The following BICRA variants were observed in gnomAD, a reference collection of about 807,000 sequenced individuals.
BICRA encodes the protein BRD4-interacting chromatin-remodeling complex-associated protein.
Under a neutral mutation model 96.9 loss-of-function variants are expected in BICRA, and 31 were observed. The ratio of observed to expected loss-of-function variants is 0.32; its 90% CI spans 0.24 to 0.43. The LOEUF (loss-of-function observed/expected upper bound fraction) is 0.43. Ranked by LOEUF, BICRA falls within the 20% of genes least tolerant of loss-of-function variation. BICRA has a pLI of 1.00. For synonymous variants in BICRA, 1,350 were observed against 1,071.8 expected, an observed-to-expected ratio of 1.26 and a Z score of -5.07; for missense variants, 2,283 against 2,190.3, an observed-to-expected ratio of 1.04 and a Z score of -0.84.
intron 1 of BICRA, among the ~76,000 whole-genome samples, chr19:47,659,789 A>G (rs1271084615): frequency 2.0e-5 from 3 of 150,774 alleles, no homozygotes; most frequent in Non-Finnish European, 4.4e-5. Context: ...TCCCTCTGTC[A>G]CCCAGGCTGT....
In BICRA at chr19:47,689,658, T is replaced by C. The variant is rs1350266479; in HGVS notation, c.2284-4457T>C. ...AACTCCTGACCTCAGGTGATCCGCC[T>C]GCCTGGCCTCCCAAAGTACTGGGAT... On this transcript the variant is annotated intron_variant, in intron 7 of 14. Transcript: ENST00000594866. 7.7e-5 allele frequency among the ~76,000 whole-genome samples: 11 copies of C among 143,074 alleles called. No homozygotes were observed. The East Asian group carries it at 2.2e-3, about 29-fold the overall frequency. The allele number at this position is 143,074 out of a possible 152,430, so 93.9% of individuals were successfully genotyped here.
At chr19:47,693,364 C>T (rs899006550) in intron 7 of BICRA, among the ~76,000 whole-genome samples, 8 of 152,234 alleles carry the variant, frequency 5.3e-5, no homozygotes, top group African/African-American at 1.9e-4. Flanking sequence ...GTCGTGCACA[C>T]GCATGCACGC....
intron 5 of BICRA, among the ~76,000 whole-genome samples, chr19:47,676,675 C>G (rs1023891243): frequency 1.3e-5 from 2 of 150,574 alleles, no homozygotes; most frequent in African/African-American, 4.9e-5. Flanking sequence ...ACGACCAGCC[C>G]TTCCTTGTTA....
At chr19:47,665,980 G>A (rs1387942012) in intron 1 of BICRA, among the ~76,000 whole-genome samples, 4 of 152,180 alleles carry the variant, frequency 2.6e-5, no homozygotes, top group Non-Finnish European at 5.9e-5. Flanking sequence ...TCTGGGAGTC[G>A]CCCCATTAGA....
chr19:47,694,972 G>A lies in BICRA; in HGVS notation c.2968G>A (p.Gly990Arg). The change falls in exon 9 of 15, where the codon GGG becomes AGG. Residue 990 changes from glycine (G) to arginine (R), a missense_variant. By Grantham distance (125) the Gly-to-Arg change is moderately radical (BLOSUM62 -2). Coordinates refer to ENST00000594866, the MANE Select transcript of BICRA (RefSeq NM_001394372.1). Reference sequence around the variant, plus strand: ...CGCCCCGCAGACCTCCACCAGCCTGGGGCCCCTCACCAGCCCCGCTGCGTC... The same window carrying A: ...CGCCCCGCAGACCTCCACCAGCCTGAGGCCCCTCACCAGCCCCGCTGCGTC... ...PAAPQTSTSL[G>R]PLTSPAASVL... The A allele has an allele frequency of 1.3e-6, 2 of 1,556,836 alleles. No homozygotes were observed. Among genetic ancestry groups the A allele is most frequent in the Non-Finnish European group, 1.7e-6 (2 of 1,158,850 alleles).
intron 7 of BICRA, among the ~76,000 whole-genome samples, chr19:47,688,851 C>T (rs924604074): frequency 2.0e-5 from 3 of 150,082 alleles, no homozygotes; most frequent in African/African-American, 7.3e-5. Context: ...GAGACAGAGT[C>T]TCTCTCTCTC....
intron 10 of BICRA, 43 bp downstream of exon 10, chr19:47,695,517 C>A: frequency 1.1e-6 from 1 of 914,370 alleles, no homozygotes; most frequent in Non-Finnish European, 1.7e-6. Flanking sequence ...GACCAGGAGT[C>A]TTCGGGAACT....
At chr19:47,661,289 A>G (rs2974201) in intron 1 of BICRA, among the ~76,000 whole-genome samples, 60,334 of 150,266 alleles carry the variant, frequency 0.4, 12,377 homozygotes, top group African/African-American at 0.45. Context: ...TGATGAAGTC[A>G]GAGGTGGCCG....
At chr19:47,630,577 A>G (rs1363997948) in intron 1 of BICRA, among the ~76,000 whole-genome samples, 1 of 152,104 alleles carries the variant, frequency 6.6e-6, no homozygotes. Context: ...CTGTTGTAGC[A>G]TGTATCAGAA....
intron 7 of BICRA, among the ~76,000 whole-genome samples, chr19:47,685,799 G>GCGCACGCGCGCGCGCA (rs141802949): frequency 1.3e-5 from 2 of 148,734 alleles, no homozygotes; most frequent in Non-Finnish European, 3.0e-5. Flanking sequence ...GCGCGCGCGC[G>GCGCACGCGCGCGCGCA]CATGCGTACA....
rs557738969 is a variant in BICRA, at chr19:47,678,501, A to T, written c.151-820A>T. 1.1e-3 allele frequency among the ~76,000 whole-genome samples: 162 copies of T among 152,176 alleles called. No individual in the cohort carries two copies. In the Middle Eastern group the frequency reaches 0.017, roughly 16 times the overall value. ...TGGGCTGGATGGGCATGGGCGTGCG[A>T]TGCAGGATCACGTTGGGCGCCGGGA... On this transcript the variant is annotated intron_variant, in intron 5 of 14. Coordinates refer to ENST00000594866, the MANE Select transcript of BICRA (RefSeq NM_001394372.1).
At chr19:47,685,967 G>A (rs1267047704) in intron 7 of BICRA, among the ~76,000 whole-genome samples, 1 of 123,964 alleles carries the variant, frequency 8.1e-6, no homozygotes, top group African/African-American at 3.1e-5. Flanking sequence ...TTTTTTCTCT[G>A]TCACCCAGGC....
In BICRA at chr19:47,680,855, C is replaced by T. The variant is rs1230287750; in HGVS notation, c.1685C>T (p.Ala562Val). Residue 562 changes from alanine (A) to valine (V), a missense_variant, in exon 6 of 15, where the codon GCG (alanine) becomes GTG (valine). Transcript: ENST00000594866. ...CTCTTCCAGATGCCCGTGTCGCTGG[C>T]GGCGGGCAGCCTGCCCACGCAGAGC... ...PALFQMPVSL[A>V]AGSLPTQSQP... is the part of the protein sequence containing the mutation. 2 of 1,565,654 alleles carry T rather than the reference C, an allele frequency of 1.3e-6. No individual in the cohort carries two copies. The highest frequency in any genetic ancestry group is 1.2e-5 in the South Asian group (1 of 85,054).
chr19:47,678,391 C>T (rs577880513), intron 5 of BICRA, among the ~76,000 whole-genome samples: 1 of 152,196 alleles, frequency 6.6e-6, no homozygotes, highest in Non-Finnish European at 1.5e-5. Context: ...GCTGGGATTA[C>T]AGGTGTGAGC....
In BICRA at chr19:47,679,904, T is replaced by C. The variant is rs1412744109; in HGVS notation, c.734T>C (p.Leu245Pro). The stretch of plus-strand genomic sequence containing the variant: ...GTGGTGGGCCAGCCCGTCATGGCGC[T>C]CAACACGCCCACCTCCCAGCTCCTG... ...IQVVGQPVMA[L>P]NTPTSQLLAK... Residue 245 changes from leucine to proline, a missense_variant, in exon 6 of 15, where the codon CTC (leucine) becomes CCC (proline). Physicochemically the swap from Leu to Pro is moderately conservative, Grantham distance 98. Coordinates refer to ENST00000594866, the MANE Select transcript of BICRA (RefSeq NM_001394372.1). 1 of 1,521,608 alleles carries C rather than the reference T, an allele frequency of 6.6e-7. No homozygotes were observed. The highest frequency in any genetic ancestry group is 8.8e-7 in the Non-Finnish European group (1 of 1,141,214). The allele number at this position is 1,521,608 out of a possible 1,614,324, so 94.3% of individuals were successfully genotyped here.
intron 7 of BICRA, among the ~76,000 whole-genome samples, chr19:47,687,874 C>A (rs1172398530): frequency 6.6e-6 from 1 of 150,454 alleles, no homozygotes; most frequent in Non-Finnish European, 1.5e-5. Flanking sequence ...TATGAAAGTA[C>A]TTGTAGGGTA....
chr19:47,681,254 C>A lies in BICRA; in HGVS notation c.2084C>A (p.Ser695Tyr). 1 of 1,539,636 alleles carries A rather than the reference C, an allele frequency of 6.5e-7. No individual in the cohort carries two copies. The highest frequency in any genetic ancestry group is 8.7e-7 in the Non-Finnish European group (1 of 1,148,516). The stretch of plus-strand genomic sequence containing the variant: ...CCCACGGCCATCCTCACTCAGGACT[C>A]CCTGCAGATGTTCCTGCCCCAGGTA... ...ATPTAILTQDSLQMFLPQERS... is the reference protein window; with the variant it reads ...ATPTAILTQDYLQMFLPQERS... The change falls in exon 6 of 15, where the codon TCC (serine) becomes TAC (tyrosine). Residue 695 changes from serine (S) to tyrosine (Y), a missense_variant. Coordinates refer to ENST00000594866, the MANE Select transcript of BICRA (RefSeq NM_001394372.1).
intron 1 of BICRA, among the ~76,000 whole-genome samples, chr19:47,633,469 C>CTGT (rs575954729): frequency 1.5e-3 from 222 of 152,228 alleles, no homozygotes; most frequent in Non-Finnish European, 2.7e-3. Context: ...TCCCAAAGTA[C>CTGT]TGTAATTACA....
At chr19:47,638,227 G>A (rs181481680) in intron 1 of BICRA, among the ~76,000 whole-genome samples, 130 of 152,260 alleles carry the variant, frequency 8.5e-4, no homozygotes, top group African/African-American at 3.0e-3. Context: ...AGGCAGCTCT[G>A]CTCCCCCCTC....
Sources: allele counts gnomAD v4.1 joint callset (sites outside exome capture counted in the v4.1 genomes callset), GRCh38; gene constraint gnomAD v4.1.1; transcripts MANE v1.5; gene names NCBI Gene and HGNC (gene_info 2026-07-23, HGNC 2026-07-21).